Variants in PGRMC1 observed in about 807,000 individuals in gnomAD.
PGRMC1 encodes the protein progesterone receptor membrane component 1, also known as membrane-associated progesterone receptor component 1.
For missense variants in PGRMC1, 145 were observed against 169.0 expected (o/e 0.86, Z 0.79); for synonymous variants, 73 against 77.3 (o/e 0.94, Z 0.29).
intron 1 of PGRMC1, among the ~76,000 whole-genome samples, chrX:119,238,977 T>C (rs755252461): frequency 2.4e-4 from 27 of 112,662 alleles, no homozygotes; most frequent in African/African-American, 8.7e-4. Flanking sequence ...TAAAAGACTT[T>C]TAATGTTCCC....
intron 2 of PGRMC1, among the ~76,000 whole-genome samples, chrX:119,240,820 G>C (rs957896292): frequency 8.9e-6 from 1 of 111,979 alleles, no homozygotes; most frequent in Non-Finnish European, 1.9e-5. Context: ...CTCTTGTAGA[G>C]CTTGCCGTTT....
chrX:119,240,416 A>G lies in PGRMC1; in HGVS notation c.436A>G (p.Thr146Ala). 8.3e-7 allele frequency: 1 copy of G among 1,208,860 alleles called. No individual in the cohort carries two copies. The highest frequency in any genetic ancestry group is 1.1e-6 in the Non-Finnish European group (1 of 892,890). The change falls in exon 2 of 3, where the codon ACT becomes GCT. Residue 146 changes from threonine to alanine, a missense_variant. By Grantham distance (58) the Thr-to-Ala change is moderately conservative. Coordinates refer to ENST00000217971, the MANE Select transcript of PGRMC1 (RefSeq NM_006667.5). Reference sequence around the variant, plus strand: ...TGAGTACGATGACCTTTCTGACCTCACTGCTGCCCAGCAGGAGACTCTGAG... The same window carrying G: ...TGAGTACGATGACCTTTCTGACCTCGCTGCTGCCCAGCAGGAGACTCTGAG... The part of the protein sequence containing the change: ...KDEYDDLSDL[T>A]AAQQETLSDW...
At chrX:119,237,097 G>A (rs1198211596) in intron 1 of PGRMC1, among the ~76,000 whole-genome samples, 2 of 110,994 alleles carry the variant, frequency 1.8e-5, no homozygotes, top group African/African-American at 3.3e-5. Context: ...GGAGGGGGTA[G>A]TGTCGGGTTC....
rs767572123 is a variant in PGRMC1, at chrX:119,243,185, G to A, written c.519G>A (p.Glu173=). ...ATCACGTGGGCAAACTGCTGAAGGAGGGGGAGGAGCCCACTGTGTACTCAG... is the reference window on the plus strand; with the variant it reads ...ATCACGTGGGCAAACTGCTGAAGGAAGGGGAGGAGCCCACTGTGTACTCAG... The part of the protein sequence containing the change: ...KYHHVGKLLK[E]GEEPTVYSDE... The change falls in exon 3 of 3, where the codon GAG becomes GAA. Residue 173 remains glutamate (E), a synonymous_variant. Coordinates refer to ENST00000217971, the MANE Select transcript of PGRMC1 (RefSeq NM_006667.5). 6.6e-6 allele frequency: 8 copies of A among 1,204,452 alleles called. No homozygotes were observed. The highest frequency in any genetic ancestry group is 6.5e-5 in the Admixed American group (3 of 45,848).
At chrX:119,238,549 T>C (rs760192610) in intron 1 of PGRMC1, among the ~76,000 whole-genome samples, 1 of 112,512 alleles carries the variant, frequency 8.9e-6, no homozygotes, top group African/African-American at 3.2e-5. Context: ...ATCATGACTG[T>C]AGTTTGCAGA....
Position 119,243,317 on chromosome X carries a change from G to A in PGRMC1, c.*63G>A. ...AAAATCATTTGTAACAGTCCACTCT[G>A]TCTTTAAAACATAGTGATTACAATA... On this transcript the variant is annotated 3_prime_UTR_variant, in exon 3 of 3. Transcript: ENST00000217971. 1 of 673,410 alleles carries A rather than the reference G, an allele frequency of 1.5e-6. No individual in the cohort carries two copies. Among genetic ancestry groups the A allele is most frequent in the Non-Finnish European group, 2.4e-6 (1 of 410,786 alleles). 55.5% of individuals were successfully genotyped at this position (673,410 alleles called of 1,213,427 possible).
rs761434868 is a variant in PGRMC1, at chrX:119,236,615, C to T, written c.252C>T (p.Val84=). 36 of 1,205,455 alleles carry T rather than the reference C, an allele frequency of 3.0e-5. No individual in the cohort carries two copies. The highest frequency in any genetic ancestry group is 6.6e-5 in the Admixed American group (3 of 45,608). ...CCGAGCTGCGGCGCTTCGACGGCGT[C>T]CAGGACCCGCGCATACTCATGGCCA... ...TPAELRRFDG[V]QDPRILMAIN... Residue 84 remains valine (V), a synonymous_variant, in exon 1 of 3, where the codon GTC becomes GTT. Coordinates refer to ENST00000217971, the MANE Select transcript of PGRMC1 (RefSeq NM_006667.5).
Position 119,243,883 on chromosome X carries a change from G to C in PGRMC1, c.*629G>C. ...ACCCTCACAAACACAGTAGTCTATA[G>C]TTAGGATTAAAATAGGATCTGAACA... On this transcript the variant is annotated 3_prime_UTR_variant, in exon 3 of 3. Coordinates refer to ENST00000217971, the MANE Select transcript of PGRMC1 (RefSeq NM_006667.5). 8.9e-6 allele frequency: 1 copy of C among 112,920 alleles called. No homozygotes were observed. The highest frequency in any genetic ancestry group is 1.9e-5 in the Non-Finnish European group (1 of 53,732). 9.3% of individuals were successfully genotyped at this position (112,920 alleles called of 1,213,427 possible).
intron 2 of PGRMC1, among the ~76,000 whole-genome samples, chrX:119,240,976 A>T (rs1458271256): frequency 3.6e-5 from 4 of 112,256 alleles, no homozygotes; most frequent in Admixed American, 9.4e-5. Context: ...TGCATTTTTA[A>T]AAAGAAAGTA....
At position 119,244,097 on chromosome X, in the gene PGRMC1, C is replaced by G. The variant is rs1309057628; in HGVS notation, c.*843C>G. ...TACAGAATAGGAACAGGTGTTTGCT[C>G]TCCTAAGAGCCTTCATGCACACCCC... is the stretch of plus-strand genomic sequence containing the variant. On this transcript the variant is annotated 3_prime_UTR_variant, in exon 3 of 3. Coordinates refer to ENST00000217971, the MANE Select transcript of PGRMC1 (RefSeq NM_006667.5). 8.9e-6 allele frequency: 1 copy of G among 112,193 alleles called. No homozygotes were observed. The highest frequency in any genetic ancestry group is 1.9e-5 in the Non-Finnish European group (1 of 53,220). The allele number at this position is 112,193 out of a possible 1,213,427, so 9.2% of individuals were successfully genotyped here.
chrX:119,243,670 A>T lies in PGRMC1; in HGVS notation c.*416A>T, dbSNP rs1335753825. 5.8e-6 allele frequency: 1 copy of T among 171,041 alleles called. No individual in the cohort carries two copies. The allele number at this position is 171,041 out of a possible 1,213,427, so 14.1% of individuals were successfully genotyped here. ...CAAATCCCTTTTTTTTTCTCAATTG[A>T]CTTAACTGCATGATTTCTGTTTTAT... On this transcript the variant is annotated 3_prime_UTR_variant, in exon 3 of 3. Transcript: ENST00000217971.
chrX:119,243,001 G>A (rs112265603), intron 2 of PGRMC1, 150 bp from the exon 3 acceptor site: 9 of 499,008 alleles, frequency 1.8e-5, no homozygotes, highest in African/African-American at 1.2e-4. Context: ...TGGCAAGGAC[G>A]GTGGTATAAA....
chrX:119,242,197 A>G (rs184873760), intron 2 of PGRMC1, among the ~76,000 whole-genome samples: 131 of 108,168 alleles, frequency 1.2e-3, no homozygotes, highest in African/African-American at 4.3e-3. Flanking sequence ...TTTCTGAAAG[A>G]TTTTCAGGGA....
chrX:119,238,094 A>G (rs1256553249), intron 1 of PGRMC1, among the ~76,000 whole-genome samples: 1 of 112,251 alleles, frequency 8.9e-6, no homozygotes, highest in Non-Finnish European at 1.9e-5. Flanking sequence ...AGGGAAGAGT[A>G]CAGAAGGCAG....
intron 1 of PGRMC1, among the ~76,000 whole-genome samples, chrX:119,238,153 AT>A (rs1237397458): frequency 8.9e-6 from 1 of 111,814 alleles, no homozygotes; most frequent in South Asian, 3.8e-4. Context: ...ACTGATCAAA[AT>A]CAGATGTGTT....
intron 1 of PGRMC1, among the ~76,000 whole-genome samples, chrX:119,239,318 C>A (rs1294742407): frequency 8.9e-6 from 1 of 111,750 alleles, no homozygotes; most frequent in African/African-American, 3.3e-5. Flanking sequence ...TAAAAAATTT[C>A]TGAGTGTATT....
At chrX:119,239,268 T>C (rs1027821973) in intron 1 of PGRMC1, among the ~76,000 whole-genome samples, 11 of 112,348 alleles carry the variant, frequency 9.8e-5, no homozygotes, top group Admixed American at 2.8e-4. Context: ...TAAGCATTTT[T>C]CTTTGGAATT....
In PGRMC1 at chrX:119,240,422, G is replaced by A; in HGVS notation, c.442G>A (p.Ala148Thr). The A allele has an allele frequency of 8.3e-7, 1 of 1,208,565 alleles. No individual in the cohort carries two copies. Among genetic ancestry groups the A allele is most frequent in the Non-Finnish European group, 1.1e-6 (1 of 892,645 alleles). ...CGATGACCTTTCTGACCTCACTGCT[G>A]CCCAGCAGGAGACTCTGAGTGACTG... is the stretch of plus-strand genomic sequence containing the variant. ...EYDDLSDLTA[A>T]QQETLSDWES... The change falls in exon 2 of 3, where the codon GCC becomes ACC. Residue 148 changes from alanine to threonine, a missense_variant. Transcript: ENST00000217971.
intron 2 of PGRMC1, among the ~76,000 whole-genome samples, chrX:119,241,208 A>G (rs780935258): frequency 4.4e-5 from 5 of 112,476 alleles, no homozygotes; most frequent in South Asian, 7.3e-4. Flanking sequence ...TTATTTGAAG[A>G]TTTTTCATTT....
Sources: allele counts gnomAD v4.1 joint callset (sites outside exome capture counted in the v4.1 genomes callset), GRCh38; gene constraint gnomAD v4.1.1; transcripts MANE v1.5; gene names NCBI Gene and HGNC (gene_info 2026-07-23, HGNC 2026-07-21).